The following KHDRBS2 variants were observed in gnomAD, a reference collection of about 807,000 sequenced individuals.
The protein encoded by KHDRBS2 is KH domain-containing, RNA-binding, signal transduction-associated protein 2.
In KHDRBS2, 26 loss-of-function variants were observed where a neutral mutation model predicts 44.3. That is an observed-to-expected ratio of 0.59 (90% CI 0.43 to 0.81). The LOEUF is 0.81. Ranked by LOEUF, KHDRBS2 falls within the 40% of genes least tolerant of loss-of-function variation. KHDRBS2 has a pLI of 0.00. For missense variants in KHDRBS2, 476 were observed against 433.1 expected (o/e 1.10, Z -0.88); for synonymous variants, 194 against 151.1 (o/e 1.28, Z -2.08).
At chr6:61,913,684 C>T (rs2127353186) in intron 4 of KHDRBS2, among the ~76,000 whole-genome samples, 1 of 151,700 alleles carries the variant, frequency 6.6e-6, no homozygotes, top group East Asian at 1.9e-4. Context: ...AAAAAAGAAA[C>T]AGAGCAACAG....
At chr6:62,205,180 A>G (rs961401962) in intron 1 of KHDRBS2, among the ~76,000 whole-genome samples, 25 of 152,106 alleles carry the variant, frequency 1.6e-4, no homozygotes, top group African/African-American at 5.6e-4. Flanking sequence ...AATTTAGGGA[A>G]TTGGCACAAA....
intron 6 of KHDRBS2, among the ~76,000 whole-genome samples, chr6:61,847,676 T>C (rs997516064): frequency 6.6e-6 from 1 of 152,128 alleles, no homozygotes; most frequent in Non-Finnish European, 1.5e-5. Context: ...GGATTACCTG[T>C]GATCTGCATC....
chr6:61,720,094 C>A (rs1772157370), intron 7 of KHDRBS2, among the ~76,000 whole-genome samples: 3 of 152,148 alleles, frequency 2.0e-5, no homozygotes. Flanking sequence ...CATGTCCCTA[C>A]AAAGGACATG....
chr6:62,033,044 A>ATTCATT (rs2127293717), intron 3 of KHDRBS2, among the ~76,000 whole-genome samples: 1 of 152,078 alleles, frequency 6.6e-6, no homozygotes, highest in South Asian at 2.1e-4. Flanking sequence ...ATCAAGCAGA[A>ATTCATT]TTCTGGAGTT....
intron 6 of KHDRBS2, among the ~76,000 whole-genome samples, chr6:61,875,590 G>T (rs367634125): frequency 3.0e-4 from 46 of 152,142 alleles, no homozygotes; most frequent in African/African-American, 1.1e-3. Flanking sequence ...CAGACCAAAG[G>T]AAACCTTGAA....
chr6:61,826,806 A>G (rs556311096), intron 6 of KHDRBS2, among the ~76,000 whole-genome samples: 1 of 152,120 alleles, frequency 6.6e-6, no homozygotes, highest in African/African-American at 2.4e-5. Context: ...AACCCTTACC[A>G]TAAAATTTGG....
intron 1 of KHDRBS2, among the ~76,000 whole-genome samples, chr6:62,207,846 G>C (rs752885445): frequency 2.0e-5 from 3 of 151,904 alleles, no homozygotes; most frequent in African/African-American, 7.2e-5. Flanking sequence ...ATACTAAGAC[G>C]GTTCCTATAG....
Position 61,821,625 on chromosome 6 carries a change from C to T in KHDRBS2, c.810+73010G>A, listed in dbSNP as rs554682655. On this transcript the variant is annotated intron_variant, in intron 6 of 8. Transcript: ENST00000281156. ...TCTTTCCTTGGCTATGTTCCCACTACGCATCTGCAGGTTGCTAGAGTGATG... is the reference window on the plus strand; with the variant it reads ...TCTTTCCTTGGCTATGTTCCCACTATGCATCTGCAGGTTGCTAGAGTGATG... Among the ~76,000 whole-genome samples, 27 of 152,090 alleles carry T rather than the reference C, an allele frequency of 1.8e-4. No homozygotes were observed. The South Asian group carries it at 2.7e-3, about 15-fold the overall frequency.
At chr6:62,240,960 T>C (rs761216035) in intron 1 of KHDRBS2, among the ~76,000 whole-genome samples, 11 of 152,038 alleles carry the variant, frequency 7.2e-5, no homozygotes, top group Non-Finnish European at 1.3e-4. Flanking sequence ...CGTTTAATCT[T>C]ACATACTTCA....
intron 3 of KHDRBS2, among the ~76,000 whole-genome samples, chr6:62,041,342 GAAA>G (rs1051375765): frequency 6.6e-6 from 1 of 150,842 alleles, no homozygotes; most frequent in African/African-American, 2.4e-5. Flanking sequence ...AATAAAAAAA[GAAA>G]AAAAAATTTC....
At chr6:61,732,858 T>A (rs916339603) in intron 6 of KHDRBS2, 94 bp from the exon 7 acceptor site, 1 of 740,504 alleles carries the variant, frequency 1.4e-6, no homozygotes, top group African/African-American at 1.7e-5. Flanking sequence ...GTGATCTTGG[T>A]TTAGATTTCA....
the KHDRBS2 span, among the ~76,000 whole-genome samples, chr6:61,628,039 A>G: frequency 6.6e-6 from 1 of 151,852 alleles, no homozygotes; most frequent in Admixed American, 6.6e-5. Context: ...TAGTATCTGA[A>G]CTGCATTGCA....
At chr6:61,977,954 G>T in intron 4 of KHDRBS2, 112 bp downstream of exon 4, 1 of 896,430 alleles carries the variant, frequency 1.1e-6, no homozygotes, top group Non-Finnish European at 1.7e-6. Flanking sequence ...CCTGTGGATA[G>T]ATCATTGGTT....
At chr6:62,247,046 G>A (rs1835692597) in intron 1 of KHDRBS2, among the ~76,000 whole-genome samples, 2 of 151,890 alleles carry the variant, frequency 1.3e-5, no homozygotes, top group Non-Finnish European at 2.9e-5. Context: ...CTGTCTCCTG[G>A]GAGAGAAGGG....
In KHDRBS2 at chr6:61,895,250, C is replaced by A. The variant is rs185699008; in HGVS notation, c.612-417G>T. ...TCACTGGACCATCTCTGAAACTGAGCGGTTTCAGATGTCTGCATCTCCTTT... is the reference window on the plus strand; with the variant it reads ...TCACTGGACCATCTCTGAAACTGAGAGGTTTCAGATGTCTGCATCTCCTTT... On this transcript the variant is annotated intron_variant, in intron 5 of 8. Coordinates refer to ENST00000281156, the MANE Select transcript of KHDRBS2 (RefSeq NM_152688.4). Among the ~76,000 whole-genome samples the A allele has an allele frequency of 1.6e-3, 240 of 151,904 alleles. 1 individual carries two copies. The highest frequency in any genetic ancestry group is 5.4e-3 in the African/African-American group (225 of 41,412).
rs575754783 is a variant in KHDRBS2, at chr6:62,100,499, T to G, written c.220-52505A>C. 2.0e-5 allele frequency among the ~76,000 whole-genome samples: 3 copies of G among 152,272 alleles called. No individual in the cohort carries two copies. In the South Asian group the frequency reaches 6.2e-4, roughly 32 times the overall value. ...GCATCACATGCTACAGAGAAACATT[T>G]CATAAGAGGAAGAGGCAAGCGATGT... On this transcript the variant is annotated intron_variant, in intron 2 of 8. Coordinates refer to ENST00000281156, the MANE Select transcript of KHDRBS2 (RefSeq NM_152688.4).
intron 1 of KHDRBS2, among the ~76,000 whole-genome samples, chr6:62,235,170 C>T (rs1833517976): frequency 1.4e-5 from 2 of 147,846 alleles, no homozygotes. Flanking sequence ...TTAAAGTTGA[C>T]CAAACACTTA....
At chr6:61,591,125 G>A in the KHDRBS2 span, among the ~76,000 whole-genome samples, 1 of 152,120 alleles carries the variant, frequency 6.6e-6, no homozygotes, top group Non-Finnish European at 1.5e-5. Flanking sequence ...TTCTCATACT[G>A]TGCTTCAGGG....
intron 6 of KHDRBS2, among the ~76,000 whole-genome samples, chr6:61,770,602 T>C (rs1475883052): frequency 6.6e-6 from 1 of 151,894 alleles, no homozygotes; most frequent in African/African-American, 2.4e-5. Flanking sequence ...GAAGACGAAA[T>C]GAATGAAATG....
Sources: allele counts gnomAD v4.1 joint callset (sites outside exome capture counted in the v4.1 genomes callset), GRCh38; gene constraint gnomAD v4.1.1; transcripts MANE v1.5; gene names NCBI Gene and HGNC (gene_info 2026-07-23, HGNC 2026-07-21).